Variants in TBL1X observed in about 807,000 individuals in gnomAD.
The protein encoded by TBL1X is transducin beta like 1 X-linked.
TBL1X carries 10 observed loss-of-function variants against 50.7 expected under a neutral mutation model. The observed-to-expected ratio is 0.20, with a 90% CI of 0.12 to 0.33. The LOEUF (loss-of-function observed/expected upper bound fraction) is 0.33. Among genes scored for constraint, TBL1X ranks in the 10% least tolerant of loss-of-function variants. The pLI is 1.00. For synonymous variants in TBL1X, 190 were observed against 214.7 expected, an observed-to-expected ratio of 0.88 and a Z score of 1.01; for missense variants, 340 against 504.4, an observed-to-expected ratio of 0.67 and a Z score of 3.12.
In TBL1X at chrX:9,691,627, C is replaced by T; in HGVS notation, c.665C>T (p.Ser222Phe). 1.7e-6 allele frequency: 2 copies of T among 1,211,105 alleles called. No individual in the cohort carries two copies. Among genetic ancestry groups the T allele is most frequent in the Non-Finnish European group, 2.2e-6 (2 of 895,277 alleles). ...ATAGATGGAGAGGTTGAGATTCCAT[C>T]CAGCAAAGCCACAGTCCTTCGGGGC... ...MEIDGEVEIP[S>F]SKATVLRGHE... Residue 222 changes from serine (S) to phenylalanine (F), a missense_variant, in exon 8 of 18, where the codon TCC (serine) becomes TTC (phenylalanine). Physicochemically the swap from Ser to Phe is radical, Grantham distance 155 (BLOSUM62 -2). Transcript: ENST00000645353.
At chrX:9,534,488 A>T (rs2082178020) in intron 2 of TBL1X, among the ~76,000 whole-genome samples, 1 of 110,294 alleles carries the variant, frequency 9.1e-6, no homozygotes, top group Non-Finnish European at 1.9e-5. Context: ...ACTTTTTTTT[A>T]AAAAAAGGTT....
chrX:9,694,595 C>CT (rs1406852365), intron 11 of TBL1X, among the ~76,000 whole-genome samples: 1 of 111,751 alleles, frequency 8.9e-6, no homozygotes, highest in Non-Finnish European at 1.9e-5. Flanking sequence ...GAGTGAGACT[C>CT]TGTCTCAAAA....
intron 2 of TBL1X, among the ~76,000 whole-genome samples, chrX:9,618,113 G>A (rs963625974): frequency 8.9e-6 from 1 of 111,962 alleles, no homozygotes; most frequent in Admixed American, 9.4e-5. Context: ...GGAATAAATA[G>A]GTAAATGCAT....
chrX:9,571,043 G>T (rs745984232), intron 2 of TBL1X, among the ~76,000 whole-genome samples: 1 of 112,175 alleles, frequency 8.9e-6, no homozygotes, highest in Non-Finnish European at 1.9e-5. Context: ...ATATGAGTCT[G>T]CTCAGGCTGC....
chrX:9,473,294 G>T (rs996628302), intron 1 of TBL1X, among the ~76,000 whole-genome samples: 2 of 112,319 alleles, frequency 1.8e-5, no homozygotes, highest in Non-Finnish European at 3.8e-5. Context: ...CTTGCCTTCA[G>T]TTCTTTTTTC....
chrX:9,539,548 T>C (rs1470244932), intron 2 of TBL1X, among the ~76,000 whole-genome samples: 1 of 111,651 alleles, frequency 9.0e-6, no homozygotes, highest in Admixed American at 9.5e-5. Flanking sequence ...GGCTCCGATA[T>C]CACTTTCCTC....
chrX:9,473,354 C>G (rs2081829516), intron 1 of TBL1X, among the ~76,000 whole-genome samples: 1 of 111,966 alleles, frequency 8.9e-6, no homozygotes, highest in African/African-American at 3.3e-5. Context: ...AATGCCAGCT[C>G]CATGTTGATA....
chrX:9,602,297 C>G (rs936240565), intron 2 of TBL1X, among the ~76,000 whole-genome samples: 2 of 110,784 alleles, frequency 1.8e-5, no homozygotes, highest in Non-Finnish European at 3.8e-5. Context: ...AATGAATGAT[C>G]ATGATCATTA....
intron 3 of TBL1X, among the ~76,000 whole-genome samples, chrX:9,650,126 C>T (rs899006068): frequency 4.4e-5 from 5 of 112,380 alleles, no homozygotes; most frequent in Non-Finnish European, 9.4e-5. Context: ...CAAGCAGCGT[C>T]TGAGCCTGCA....
chrX:9,637,327 G>T (rs1317748831), intron 2 of TBL1X: 1 of 111,539 alleles, frequency 9.0e-6, no homozygotes, highest in African/African-American at 3.3e-5. Context: ...ATGTGAAAAG[G>T]CTGCATTTTA....
chrX:9,639,844 G>A (rs2082766315), intron 2 of TBL1X: 1 of 112,034 alleles, frequency 8.9e-6, no homozygotes, highest in Non-Finnish European at 1.9e-5. Flanking sequence ...GTCTTCTCCC[G>A]AGGGTGTGCA....
At position 9,473,206 on chromosome X, in the gene TBL1X, T is replaced by TA. The variant is rs201670580; in HGVS notation, c.-201+7760dup. On this transcript the variant is annotated intron_variant, in intron 1 of 17. Transcript: ENST00000645353. ...TTTCAGATTGTATTTCCCGAAAGCGTAGAGAATTGATATCCCTGAATAGGA... is the reference window on the plus strand; with the variant it reads ...TTTCAGATTGTATTTCCCGAAAGCGTAAGAGAATTGATATCCCTGAATAGGA... Among the ~76,000 whole-genome samples the TA allele has an allele frequency of 9.8e-3, 1,093 of 111,945 alleles. 18 individuals carry two copies. Among genetic ancestry groups the TA allele is most frequent in the African/African-American group, 0.034 (1,056 of 30,800 alleles).
At chrX:9,586,075 T>G (rs1384404262) in intron 2 of TBL1X, among the ~76,000 whole-genome samples, 2 of 112,334 alleles carry the variant, frequency 1.8e-5, no homozygotes, top group East Asian at 5.6e-4. Flanking sequence ...GTAAACACTA[T>G]AGACTATAGT....
chrX:9,585,345 C>T (rs959340798), intron 2 of TBL1X, among the ~76,000 whole-genome samples: 2 of 93,669 alleles, frequency 2.1e-5, no homozygotes, highest in Non-Finnish European at 4.3e-5. Context: ...TCCCCTCCCC[C>T]CCCCGCCACA....
At chrX:9,544,966 G>A (rs1300889467) in intron 2 of TBL1X, among the ~76,000 whole-genome samples, 1 of 106,414 alleles carries the variant, frequency 9.4e-6, no homozygotes, top group Non-Finnish European at 1.9e-5. Flanking sequence ...ATAACTTAGT[G>A]AAATCCAAGG....
chrX:9,580,429 A>T (rs766624205), intron 2 of TBL1X, among the ~76,000 whole-genome samples: 20 of 111,764 alleles, frequency 1.8e-4, no homozygotes, highest in Admixed American at 3.8e-4. Context: ...AGGGACAAAT[A>T]GTTGTATTCT....
intron 2 of TBL1X, among the ~76,000 whole-genome samples, chrX:9,564,040 A>C (rs2082336471): frequency 8.9e-6 from 1 of 112,827 alleles, no homozygotes; most frequent in African/African-American, 3.2e-5. Context: ...AAGTTAGAAA[A>C]CAGACTGAAC....
chrX:9,619,776 C>T (rs1212028445), intron 2 of TBL1X, among the ~76,000 whole-genome samples: 1 of 111,186 alleles, frequency 9.0e-6, no homozygotes, highest in Non-Finnish European at 1.9e-5. Flanking sequence ...ACCGGAGTGC[C>T]GCCCTCTAGC....
At chrX:9,545,384 T>TA (rs1347119076) in intron 2 of TBL1X, among the ~76,000 whole-genome samples, 1 of 108,800 alleles carries the variant, frequency 9.2e-6, no homozygotes, top group Non-Finnish European at 1.9e-5. Context: ...CTGCAAAAAA[T>TA]AAAAAAATGA....
Sources: gnomAD v4.1 joint callset for allele counts (sites outside exome capture counted in the v4.1 genomes callset) on GRCh38, gnomAD v4.1.1 for gene constraint, MANE v1.5 for transcripts, NCBI Gene and HGNC (gene_info 2026-07-23, HGNC 2026-07-21) for gene names.